Variants in RAB38 observed in about 807,000 individuals in gnomAD.
RAB38 encodes RAB38, member RAS oncogene family.
RAB38 carries 15 observed loss-of-function variants against 18.4 expected under a neutral mutation model. The observed-to-expected ratio is 0.82, with a 90% CI of 0.55 to 1.26. The LOEUF is 1.26. RAB38 is among the 50% of genes most tolerant of loss of function. The pLI is 0.00. For missense variants in RAB38, 294 were observed against 267.4 expected (o/e 1.10, Z -0.69); for synonymous variants, 101 against 104.4 (o/e 0.97, Z 0.20).
chr11:87,972,894 G>T, the RAB38 span, among the ~76,000 whole-genome samples: 3 of 151,992 alleles, frequency 2.0e-5, no homozygotes, highest in Admixed American at 2.0e-4. Context: ...CATGGGGGCA[G>T]GTTTCCCCCT....
the RAB38 span, among the ~76,000 whole-genome samples, chr11:88,102,908 C>T: frequency 3.3e-5 from 5 of 152,082 alleles, no homozygotes; most frequent in South Asian, 1.0e-3. Flanking sequence ...CCGTCTCCTC[C>T]CTTCCCTCAT....
At chr11:87,953,603 G>T in the RAB38 span, among the ~76,000 whole-genome samples, 1 of 151,960 alleles carries the variant, frequency 6.6e-6, no homozygotes, top group Non-Finnish European at 1.5e-5. Context: ...ATCTGTTATT[G>T]TGTCTAATTT....
At chr11:88,056,544 C>A in the RAB38 span, among the ~76,000 whole-genome samples, 1 of 152,136 alleles carries the variant, frequency 6.6e-6, no homozygotes, top group Non-Finnish European at 1.5e-5. Context: ...GTGGCTCACG[C>A]CTGTAATCCC....
rs573021514 is a variant in RAB38 at position 88,145,337 on chromosome 11, C to T, written c.483+4338G>A. ...CTAATGTTTGTATTTTTAGTAGAGA[C>T]GGGGTTTCACCATGTTGGCCAGGCT... is the stretch of plus-strand genomic sequence containing the variant. On this transcript the variant is annotated intron_variant, in intron 2 of 2. Coordinates refer to ENST00000243662, the MANE Select transcript of RAB38 (RefSeq NM_022337.3). 9.9e-5 allele frequency among the ~76,000 whole-genome samples: 15 copies of T among 152,104 alleles called. 1 individual carries two copies. Among genetic ancestry groups the T allele is most frequent in the African/African-American group, 3.1e-4 (13 of 41,502 alleles).
At chr11:88,163,954 G>A (rs1220668300) in intron 1 of RAB38, among the ~76,000 whole-genome samples, 2 of 152,032 alleles carry the variant, frequency 1.3e-5, no homozygotes, top group African/African-American at 2.4e-5. Flanking sequence ...GGATAAAGCA[G>A]GGGGAAGGAA....
chr11:88,023,954 A>T, the RAB38 span, among the ~76,000 whole-genome samples: 2 of 152,166 alleles, frequency 1.3e-5, no homozygotes, highest in African/African-American at 2.4e-5. Context: ...GTGAGAAAAC[A>T]TTGAGGAAAC....
chr11:87,871,699 T>C, the RAB38 span, among the ~76,000 whole-genome samples: 43 of 151,732 alleles, frequency 2.8e-4, 1 homozygote, highest in South Asian at 6.4e-3. Flanking sequence ...ATTTTCCCTG[T>C]GGCTAACAAA....
the RAB38 span, among the ~76,000 whole-genome samples, chr11:88,075,734 A>G: frequency 3.3e-5 from 5 of 152,238 alleles, no homozygotes; most frequent in East Asian, 7.7e-4. Flanking sequence ...TACAAAAATT[A>G]GCCAGGCATG....
At chr11:88,051,329 C>T in the RAB38 span, among the ~76,000 whole-genome samples, 1 of 151,926 alleles carries the variant, frequency 6.6e-6, no homozygotes, top group East Asian at 1.9e-4. Flanking sequence ...ACATGAAATG[C>T]TAGGCAGTAC....
chr11:88,128,530 C>G (rs1033266671), intron 2 of RAB38, among the ~76,000 whole-genome samples: 6 of 152,176 alleles, frequency 3.9e-5, no homozygotes, highest in Non-Finnish European at 8.8e-5. Context: ...AACAGAATTG[C>G]TGAAAGACTC....
the RAB38 span, among the ~76,000 whole-genome samples, chr11:87,943,501 C>T: frequency 2.0e-5 from 3 of 152,046 alleles, no homozygotes; most frequent in African/African-American, 4.8e-5. Context: ...TGGTTTTGTG[C>T]AAAGCTATGA....
the RAB38 span, among the ~76,000 whole-genome samples, chr11:87,865,761 G>A: frequency 2.0e-5 from 3 of 151,760 alleles, no homozygotes; most frequent in East Asian, 2.0e-4. Context: ...GTGAGAGTCC[G>A]CAGACTTGGA....
chr11:87,905,674 A>G, the RAB38 span, among the ~76,000 whole-genome samples: 4 of 151,906 alleles, frequency 2.6e-5, no homozygotes, highest in African/African-American at 9.7e-5. Flanking sequence ...TCCAATGGAT[A>G]TACAAGCTTT....
the RAB38 span, among the ~76,000 whole-genome samples, chr11:87,839,699 C>T: frequency 9.2e-5 from 14 of 152,138 alleles, no homozygotes; most frequent in African/African-American, 2.9e-4. Context: ...AAGAAACTCT[C>T]TTAATATGGT....
At chr11:87,975,829 C>G in the RAB38 span, among the ~76,000 whole-genome samples, 2 of 151,230 alleles carry the variant, frequency 1.3e-5, no homozygotes, top group East Asian at 3.9e-4. Flanking sequence ...TTGATACACC[C>G]ATATCAAGAC....
At chr11:88,112,499 C>T (rs1337865764), downstream of RAB38, among the ~76,000 whole-genome samples, 1 of 152,194 alleles carries the variant, frequency 6.6e-6, no homozygotes, top group Non-Finnish European at 1.5e-5. Context: ...TCCTCTATCT[C>T]AGGATCCTGC....
chr11:87,919,320 G>A, the RAB38 span, among the ~76,000 whole-genome samples: 1 of 151,588 alleles, frequency 6.6e-6, no homozygotes, highest in Non-Finnish European at 1.5e-5. Context: ...ATGAAAGCAT[G>A]TTAAATTTTA....
chr11:88,159,487 T>C (rs887748028), intron 1 of RAB38, among the ~76,000 whole-genome samples: 5 of 151,798 alleles, frequency 3.3e-5, no homozygotes, highest in African/African-American at 4.8e-5. Context: ...AAAACTATCC[T>C]AAAATTCTTA....
At chr11:87,819,951 G>A in the RAB38 span, among the ~76,000 whole-genome samples, 1 of 151,996 alleles carries the variant, frequency 6.6e-6, no homozygotes, top group Non-Finnish European at 1.5e-5. Context: ...GCAGCAGCAG[G>A]ACTGCTCCTA....
Sources: gnomAD v4.1 joint callset for allele counts (sites outside exome capture counted in the v4.1 genomes callset) on GRCh38, gnomAD v4.1.1 for gene constraint, MANE v1.5 for transcripts, NCBI Gene and HGNC (gene_info 2026-07-23, HGNC 2026-07-21) for gene names.